COL25A1: variants seen among roughly 807,000 people sequenced by gnomAD.
COL25A1 encodes collagen alpha-1(XXV) chain.
COL25A1 carries 103 observed loss-of-function variants against 128.4 expected under a neutral mutation model. The ratio of observed to expected loss-of-function variants is 0.80; its 90% CI spans 0.68 to 0.94. The LOEUF (loss-of-function observed/expected upper bound fraction) is 0.94, where lower values mean the gene tolerates loss of function less well. Ranked by LOEUF, COL25A1 falls within the 40% of genes least tolerant of loss-of-function variation. The pLI is 0.00. For synonymous variants in COL25A1, 279 were observed against 277.2 expected, an observed-to-expected ratio of 1.01 and a Z score of -0.06; for missense variants, 745 against 840.0, an observed-to-expected ratio of 0.89 and a Z score of 1.40.
At chr4:108,826,370 T>G (rs749036822) in intron 33 of COL25A1, among the ~76,000 whole-genome samples, 31 of 152,046 alleles carry the variant, frequency 2.0e-4, no homozygotes, top group East Asian at 1.9e-4. Flanking sequence ...AAACCCCATC[T>G]CTACTAAAAA....
intron 19 of COL25A1, among the ~76,000 whole-genome samples, chr4:108,871,903 G>T (rs894165655): frequency 2.0e-5 from 3 of 152,082 alleles, no homozygotes; most frequent in Admixed American, 1.3e-4. Context: ...AATTGTTGAA[G>T]TAAATAAGGC....
intron 30 of COL25A1, 85 bp downstream of exon 30, chr4:108,844,434 G>C (rs1734835557): frequency 1.9e-6 from 3 of 1,609,854 alleles, no homozygotes; most frequent in South Asian, 2.2e-5. Context: ...AATACAAGCT[G>C]GCTGTTTAGA....
chr4:108,918,279 A>G (rs947093802), intron 12 of COL25A1, 63 bp from the exon 13 acceptor site: 12 of 1,209,544 alleles, frequency 9.9e-6, no homozygotes, highest in Admixed American at 8.0e-5. Context: ...TTCTAAATTT[A>G]TATTGTATTA....
chr4:108,892,536 G>A (rs1247514125), intron 16 of COL25A1, among the ~76,000 whole-genome samples: 1 of 152,136 alleles, frequency 6.6e-6, no homozygotes, highest in Non-Finnish European at 1.5e-5. Context: ...AGATAACAGT[G>A]AACAATGAAG....
intron 3 of COL25A1, among the ~76,000 whole-genome samples, chr4:109,125,234 T>C (rs1365132339): frequency 6.6e-6 from 1 of 152,164 alleles, no homozygotes; most frequent in Non-Finnish European, 1.5e-5. Context: ...CTTAAGGAAC[T>C]AATCCTGATG....
intron 3 of COL25A1, among the ~76,000 whole-genome samples, chr4:109,166,241 T>G (rs572831189): frequency 6.6e-6 from 1 of 152,184 alleles, no homozygotes; most frequent in Non-Finnish European, 1.5e-5. Context: ...GAATAACAAA[T>G]GTATTCATCT....
intron 3 of COL25A1, among the ~76,000 whole-genome samples, chr4:109,244,562 G>A (rs1331028421): frequency 6.6e-6 from 1 of 152,016 alleles, no homozygotes; most frequent in African/African-American, 2.4e-5. Flanking sequence ...ATAATTATGA[G>A]GGCCTAGTTA....
At chr4:108,983,244 T>A (rs1199261267) in intron 6 of COL25A1, among the ~76,000 whole-genome samples, 1 of 152,212 alleles carries the variant, frequency 6.6e-6, no homozygotes, top group Non-Finnish European at 1.5e-5. Context: ...GGTGAAAGAC[T>A]TGGAATCCTA....
intron 3 of COL25A1, among the ~76,000 whole-genome samples, chr4:109,179,238 G>C (rs548428552): frequency 3.3e-5 from 5 of 152,258 alleles, no homozygotes; most frequent in Non-Finnish European, 7.4e-5. Flanking sequence ...GGCAAGAGAA[G>C]CACATCCACT....
chr4:108,979,849 T>C (rs768401752), intron 6 of COL25A1, among the ~76,000 whole-genome samples: 1 of 152,032 alleles, frequency 6.6e-6, no homozygotes, highest in Non-Finnish European at 1.5e-5. Context: ...AAATACTGTG[T>C]TGTGGGAGTA....
chr4:109,178,930 T>C (rs1310759446), intron 3 of COL25A1, among the ~76,000 whole-genome samples: 6 of 150,798 alleles, frequency 4.0e-5, no homozygotes, highest in Non-Finnish European at 8.8e-5. Context: ...GAATAGTGTA[T>C]ATAAAAGCGC....
chr4:109,036,104 T>A (rs1285157942), intron 5 of COL25A1, among the ~76,000 whole-genome samples: 2 of 151,892 alleles, frequency 1.3e-5, no homozygotes, highest in Non-Finnish European at 2.9e-5. Context: ...CTTTTTGGTA[T>A]TTTTAGTAGA....
At chr4:108,859,820 G>GCT (rs761836296) in intron 23 of COL25A1, 87 bp from the exon 24 acceptor site, 23 of 875,032 alleles carry the variant, frequency 2.6e-5, no homozygotes, top group Non-Finnish European at 4.1e-5. Context: ...ACAACTCACA[G>GCT]CTCTCTCTGA....
intron 35 of COL25A1, chr4:108,819,871 C>G: frequency 3.2e-6 from 4 of 1,231,468 alleles, no homozygotes; most frequent in Non-Finnish European, 3.0e-6. Flanking sequence ...CCTTTAGGCC[C>G]CTTTTTGCCT....
At chr4:109,190,699 T>A (rs935308217) in intron 3 of COL25A1, among the ~76,000 whole-genome samples, 1 of 152,210 alleles carries the variant, frequency 6.6e-6, no homozygotes, top group Non-Finnish European at 1.5e-5. Context: ...GAAGAAAATA[T>A]GCAGTGGATG....
At chr4:109,038,595 C>T (rs990795909) in intron 5 of COL25A1, among the ~76,000 whole-genome samples, 17 of 152,068 alleles carry the variant, frequency 1.1e-4, no homozygotes, top group African/African-American at 3.9e-4. Flanking sequence ...CATGTGCATT[C>T]GAATCATGCC....
At chr4:108,822,150 T>C (rs1038184217) in intron 35 of COL25A1, among the ~76,000 whole-genome samples, 3 of 149,450 alleles carry the variant, frequency 2.0e-5, no homozygotes, top group Non-Finnish European at 4.4e-5. Flanking sequence ...TTCAAGCGAT[T>C]CTCCTGCCTC....
intron 33 of COL25A1, among the ~76,000 whole-genome samples, chr4:108,826,259 C>T (rs139094963): frequency 0.024 from 3,618 of 152,166 alleles, 65 homozygotes; most frequent in Non-Finnish European, 0.038. Context: ...ATTTTCAGGC[C>T]GGGCGCAGTG....
Position 109,185,891 on chromosome 4 carries a change from C to A in COL25A1, c.367+114692G>T, listed in dbSNP as rs150458356. ...CAGGAAGACAGGCCTCCTCAGAGACCCCACAGGACCTAGATCTGGACGACT... is the reference window on the plus strand; with the variant it reads ...CAGGAAGACAGGCCTCCTCAGAGACACCACAGGACCTAGATCTGGACGACT... On this transcript the variant is annotated intron_variant, in intron 3 of 37. Transcript: ENST00000399132. Among the ~76,000 whole-genome samples the A allele has an allele frequency of 6.7e-3, 1,017 of 152,256 alleles. 2 individuals are homozygous for A. The highest frequency in any genetic ancestry group is 0.011 in the Non-Finnish European group (735 of 68,036).
Sources: gnomAD v4.1 joint callset for allele counts (sites outside exome capture counted in the v4.1 genomes callset) on GRCh38, gnomAD v4.1.1 for gene constraint, MANE v1.5 for transcripts, NCBI Gene and HGNC (gene_info 2026-07-23, HGNC 2026-07-21) for gene names.